The following ENTREP2 variants were observed in gnomAD, a reference collection of about 807,000 sequenced individuals.
ENTREP2 encodes protein ENTREP2.
the ENTREP2 span, among the ~76,000 whole-genome samples, chr15:29,564,829 A>G: frequency 6.6e-6 from 1 of 152,154 alleles, no homozygotes; most frequent in Non-Finnish European, 1.5e-5. Flanking sequence ...GTGGGGAGAG[A>G]GTCCCCAACA....
the ENTREP2 span, among the ~76,000 whole-genome samples, chr15:29,251,826 A>G: frequency 1.5e-3 from 230 of 149,424 alleles, 1 homozygote; most frequent in African/African-American, 5.2e-3. Flanking sequence ...TGCTTCTTCT[A>G]ACGTGGCCCA....
the ENTREP2 span, among the ~76,000 whole-genome samples, chr15:29,540,244 A>C: frequency 1.3e-5 from 2 of 152,216 alleles, no homozygotes; most frequent in African/African-American, 4.8e-5. Flanking sequence ...TCTATGTGTT[A>C]GGTACGTTTC....
At chr15:29,152,794 T>C in the ENTREP2 span, among the ~76,000 whole-genome samples, 1 of 152,222 alleles carries the variant, frequency 6.6e-6, no homozygotes, top group African/African-American at 2.4e-5. Context: ...TTCTCCGAGA[T>C]AAATGTCCAG....
At chr15:29,424,542 A>G in the ENTREP2 span, among the ~76,000 whole-genome samples, 95 of 152,164 alleles carry the variant, frequency 6.2e-4, no homozygotes, top group African/African-American at 2.1e-3. Flanking sequence ...GTAGGCGCCA[A>G]CCTCTCAGGT....
chr15:29,151,121 GAT>G, the ENTREP2 span, among the ~76,000 whole-genome samples: 2 of 152,088 alleles, frequency 1.3e-5, no homozygotes, highest in East Asian at 3.9e-4. Context: ...TTATTTATGA[GAT>G]GTGTATTTAT....
At chr15:29,302,042 T>G in the ENTREP2 span, among the ~76,000 whole-genome samples, 2 of 152,198 alleles carry the variant, frequency 1.3e-5, no homozygotes, top group African/African-American at 2.4e-5. Flanking sequence ...GGTCTTTGTT[T>G]GTTAACTATG....
chr15:29,359,699 C>T, the ENTREP2 span, among the ~76,000 whole-genome samples: 1 of 152,152 alleles, frequency 6.6e-6, no homozygotes, highest in Non-Finnish European at 1.5e-5. Context: ...GCGTGAGCCA[C>T]TGTGCTCAGC....
At chr15:29,657,599 TGCTGATTGGTGCATTTTACAGAAC>T in the ENTREP2 span, among the ~76,000 whole-genome samples, 1 of 151,886 alleles carries the variant, frequency 6.6e-6, no homozygotes, top group South Asian at 2.1e-4. Flanking sequence ...TTTAGAATCC[TGCTGATTGGTGCATTTTACAGAAC>T]GCTGATTGGT....
the ENTREP2 span, among the ~76,000 whole-genome samples, chr15:29,507,019 A>G: frequency 6.6e-6 from 1 of 152,198 alleles, no homozygotes; most frequent in Non-Finnish European, 1.5e-5. Context: ...CCCATCTCAC[A>G]TGCAAAGACA....
the ENTREP2 span, among the ~76,000 whole-genome samples, chr15:29,405,407 AT>A: frequency 1.3e-3 from 197 of 151,642 alleles, 5 homozygotes; most frequent in East Asian, 0.038. Flanking sequence ...AAAAAAAAAA[AT>A]CTGACCATGT....
At chr15:29,392,108 G>A in the ENTREP2 span, among the ~76,000 whole-genome samples, 9 of 152,092 alleles carry the variant, frequency 5.9e-5, no homozygotes, top group South Asian at 2.1e-4. Context: ...AATTACAGGC[G>A]TGAGCCACTG....
the ENTREP2 span, among the ~76,000 whole-genome samples, chr15:29,165,456 GAGAA>G: frequency 1.3e-4 from 20 of 152,238 alleles, no homozygotes; most frequent in African/African-American, 4.6e-4. Flanking sequence ...GAAAAGAAGA[GAGAA>G]AATCCAAATA....
the ENTREP2 span, among the ~76,000 whole-genome samples, chr15:29,602,486 T>C: frequency 6.6e-6 from 1 of 152,156 alleles, no homozygotes; most frequent in Admixed American, 6.5e-5. Context: ...TATTGTGTCT[T>C]AGTCATATTC....
the ENTREP2 span, among the ~76,000 whole-genome samples, chr15:29,314,566 G>A: frequency 2.6e-5 from 4 of 152,222 alleles, no homozygotes; most frequent in East Asian, 5.8e-4. Context: ...ATATGCTGTG[G>A]CACACTTAAT....
At chr15:29,414,272 A>C in the ENTREP2 span, among the ~76,000 whole-genome samples, 1 of 152,328 alleles carries the variant, frequency 6.6e-6, no homozygotes, top group African/African-American at 2.4e-5. Context: ...CAGCAAATGT[A>C]AAAGAACAGA....
chr15:29,358,893 T>C, the ENTREP2 span, among the ~76,000 whole-genome samples: 1 of 152,304 alleles, frequency 6.6e-6, no homozygotes, highest in South Asian at 2.1e-4. Context: ...CTATAAGATA[T>C]GTACCTGAAA....
At chr15:29,463,568 A>T in the ENTREP2 span, among the ~76,000 whole-genome samples, 4 of 152,300 alleles carry the variant, frequency 2.6e-5, no homozygotes, top group Non-Finnish European at 5.9e-5. Context: ...CCAAAATACC[A>T]AGGAACTATC....
At chr15:29,119,257 T>C in the ENTREP2 span, among the ~76,000 whole-genome samples, 1 of 152,220 alleles carries the variant, frequency 6.6e-6, no homozygotes, top group Non-Finnish European at 1.5e-5. Flanking sequence ...GCACTCGCTC[T>C]GAATGAATAT....
At chr15:29,176,461 G>C in the ENTREP2 span, among the ~76,000 whole-genome samples, 65,660 of 152,000 alleles carry the variant, frequency 0.43, 14,803 homozygotes, top group East Asian at 0.6. Context: ...GAGGTCAGTA[G>C]TTGGAAGTGG....
Sources: gnomAD v4.1 joint callset for allele counts (sites outside exome capture counted in the v4.1 genomes callset) on GRCh38, gnomAD v4.1.1 for gene constraint, MANE v1.5 for transcripts, NCBI Gene and HGNC (gene_info 2026-07-23, HGNC 2026-07-21) for gene names.